The following BCR variants were observed in gnomAD, a reference collection of about 807,000 sequenced individuals.
BCR encodes the protein BCR activator of RhoGEF and GTPase, also known as breakpoint cluster region protein.
Under a neutral mutation model 138.6 loss-of-function variants are expected in BCR, and 58 were observed. That is an observed-to-expected ratio of 0.42 (90% CI 0.34 to 0.52). The LOEUF is 0.52. Ranked by LOEUF, BCR falls within the 20% of genes least tolerant of loss-of-function variation. The probability of loss-of-function intolerance (pLI) is 0.06; values close to 1 mark genes in which losing one functional copy is unlikely to be tolerated. For missense variants in BCR, 1,599 were observed against 1,727.2 expected (o/e 0.93, Z 1.32); for synonymous variants, 786 against 730.1 (o/e 1.08, Z -1.23).
intron 1 of BCR, chr22:23,242,968 G>A (rs1202498476): frequency 1.6e-5 from 7 of 443,270 alleles, no homozygotes; most frequent in South Asian, 4.8e-5. Context: ...CCCTGCCTCC[G>A]CCTTCAAATG....
intron 1 of BCR, among the ~76,000 whole-genome samples, chr22:23,228,368 TA>T (rs1377157441): frequency 6.6e-6 from 1 of 152,248 alleles, no homozygotes; most frequent in Non-Finnish European, 1.5e-5. Context: ...TAGTGTTTAA[TA>T]GTAATGTTTC....
chr22:23,291,719 A>G (rs543605141), intron 14 of BCR, among the ~76,000 whole-genome samples: 11 of 152,034 alleles, frequency 7.2e-5, no homozygotes, highest in African/African-American at 2.4e-4. Context: ...TGTTCCTCTT[A>G]TGTCCTGTCC....
At chr22:23,292,140 G>T (rs1325706657) in intron 14 of BCR, among the ~76,000 whole-genome samples, 1 of 152,206 alleles carries the variant, frequency 6.6e-6, no homozygotes, top group African/African-American at 2.4e-5. Flanking sequence ...GGTCTGCTCT[G>T]ATTGTAGGGG....
At chr22:23,293,734 C>T (rs1358731156) in intron 15 of BCR, among the ~76,000 whole-genome samples, 1 of 152,158 alleles carries the variant, frequency 6.6e-6, no homozygotes, top group East Asian at 1.9e-4. Flanking sequence ...TGTAGCAGGT[C>T]ACGTCCACCA....
intron 8 of BCR, among the ~76,000 whole-genome samples, chr22:23,274,479 G>A (rs1286523289): frequency 6.6e-6 from 1 of 152,200 alleles, no homozygotes; most frequent in East Asian, 1.9e-4. Context: ...CCAGTGTCCA[G>A]GGGGAACAGC....
chr22:23,294,544 G>T (rs2073824591), intron 15 of BCR, among the ~76,000 whole-genome samples: 1 of 152,122 alleles, frequency 6.6e-6, no homozygotes, highest in East Asian at 1.9e-4. Flanking sequence ...GGGATCACAG[G>T]CATGCACCAC....
At chr22:23,211,813 C>T (rs2072687326) in intron 1 of BCR, among the ~76,000 whole-genome samples, 1 of 152,194 alleles carries the variant, frequency 6.6e-6, no homozygotes, top group African/African-American at 2.4e-5. Context: ...GAAGTCCTAT[C>T]TTCCAGGCCA....
intron 1 of BCR, among the ~76,000 whole-genome samples, chr22:23,230,714 A>G (rs2072947976): frequency 6.6e-6 from 1 of 152,230 alleles, no homozygotes; most frequent in Non-Finnish European, 1.5e-5. Flanking sequence ...GCCTGCCTGC[A>G]TTTCCAGGGA....
chr22:23,276,454 G>A (rs1416563116), intron 8 of BCR, among the ~76,000 whole-genome samples: 1 of 151,976 alleles, frequency 6.6e-6, no homozygotes, highest in Non-Finnish European at 1.5e-5. Flanking sequence ...CAGGGGCCTG[G>A]ATCTGCATCC....
intron 1 of BCR, among the ~76,000 whole-genome samples, chr22:23,200,942 A>G (rs2072546208): frequency 6.6e-6 from 1 of 152,214 alleles, no homozygotes. Context: ...GACTTCTGCC[A>G]GTCAGCAGGC....
chr22:23,254,391 G>A, intron 2 of BCR: 1 of 482,708 alleles, frequency 2.1e-6, no homozygotes, highest in Middle Eastern at 3.3e-4. Flanking sequence ...TGTGACCAGA[G>A]CCTTTCCTGT....
chr22:23,256,671 A>G lies in BCR; in HGVS notation c.1461+2691A>G, dbSNP rs1264044540. Among the ~76,000 whole-genome samples, 5 of 151,944 alleles carry G rather than the reference A, an allele frequency of 3.3e-5. No individual in the cohort carries two copies. In the East Asian group the frequency reaches 9.7e-4, roughly 29 times the overall value. ...GTAAGGGTTTTGCACCCTGATCACCACTGGGCTCCCCCAGATTAGGGGGAC... is the reference window on the plus strand; with the variant it reads ...GTAAGGGTTTTGCACCCTGATCACCGCTGGGCTCCCCCAGATTAGGGGGAC... On this transcript the variant is annotated intron_variant, in intron 2 of 22. Transcript: ENST00000305877.
intron 10 of BCR, among the ~76,000 whole-genome samples, chr22:23,286,917 C>CA (rs1019209230): frequency 8.5e-5 from 13 of 152,120 alleles, no homozygotes; most frequent in African/African-American, 2.9e-4. Flanking sequence ...TTAATTCCTC[C>CA]AAAAAAGGTT....
In BCR at chr22:23,315,721, G is replaced by C; in HGVS notation, c.*199G>C. 1 of 666,480 alleles carries C rather than the reference G, an allele frequency of 1.5e-6. No homozygotes were observed. The highest frequency in any genetic ancestry group is 1.8e-5 in the African/African-American group (1 of 56,660). The allele number at this position is 666,480 out of a possible 1,614,324, so 41.3% of individuals were successfully genotyped here. A position where few individuals can be genotyped will look rare whatever the true frequency, so the allele number is the denominator to read the frequency against. On this transcript the variant is annotated 3_prime_UTR_variant, in exon 23 of 23. Coordinates refer to ENST00000305877, the MANE Select transcript of BCR (RefSeq NM_004327.4). ...GCCCAGGTCTGGGAGCCCCAGGCTG[G>C]CCTCAGACTGTGGTTTTTTATGTGG...
rs77133304 is a variant in BCR at position 23,203,014 on chromosome 22, C to G, written c.1279+20775C>G. 9.0e-3 allele frequency among the ~76,000 whole-genome samples: 1,376 copies of G among 152,216 alleles called. 23 individuals carry two copies. Among genetic ancestry groups the G allele is most frequent in the African/African-American group, 0.031 (1,301 of 41,512 alleles). The stretch of plus-strand genomic sequence containing the variant: ...CTGGGACTACAGATGCACATCACTA[C>G]ACTCATCTGTCGTTTTTTTTCTTTT... On this transcript the variant is annotated intron_variant, in intron 1 of 22. Coordinates refer to ENST00000305877, the MANE Select transcript of BCR (RefSeq NM_004327.4).
chr22:23,186,413 ACATTTTAAC>A (rs1418324080), intron 1 of BCR, among the ~76,000 whole-genome samples: 1 of 152,246 alleles, frequency 6.6e-6, no homozygotes, highest in East Asian at 1.9e-4. Flanking sequence ...AAGCAGGGGA[ACATTTTAAC>A]CATTTTTATC....
At chr22:23,188,425 TG>T (rs2072374353) in intron 1 of BCR, among the ~76,000 whole-genome samples, 1 of 152,208 alleles carries the variant, frequency 6.6e-6, no homozygotes, top group South Asian at 2.1e-4. Context: ...CTTCCTTGGT[TG>T]GAAGTCCTGT....
intron 1 of BCR, among the ~76,000 whole-genome samples, chr22:23,221,883 A>G (rs1157687727): frequency 6.6e-6 from 1 of 152,166 alleles, no homozygotes; most frequent in African/African-American, 2.4e-5. Context: ...TGAGGTCAGG[A>G]GTTCGAGACC....
chr22:23,217,502 G>A (rs1399533683), intron 1 of BCR, among the ~76,000 whole-genome samples: 1 of 152,204 alleles, frequency 6.6e-6, no homozygotes, highest in East Asian at 1.9e-4. Context: ...GCATTGGTTG[G>A]CCTCCTCTGT....
Sources: allele counts gnomAD v4.1 joint callset (sites outside exome capture counted in the v4.1 genomes callset), GRCh38; gene constraint gnomAD v4.1.1; transcripts MANE v1.5; gene names NCBI Gene and HGNC (gene_info 2026-07-23, HGNC 2026-07-21).